Variants in GSE1 observed in about 807,000 individuals in gnomAD.
GSE1 encodes the protein genetic suppressor element 1.
In GSE1, 32 loss-of-function variants were observed where a neutral mutation model predicts 112.6. That is an observed-to-expected ratio of 0.28 (90% CI 0.21 to 0.38). The LOEUF (loss-of-function observed/expected upper bound fraction) is 0.38. Among genes scored for constraint, GSE1 ranks in the 10% least tolerant of loss-of-function variants. The probability of loss-of-function intolerance (pLI) is 1.00; values close to 1 mark genes in which losing one functional copy is unlikely to be tolerated. For synonymous variants in GSE1, 1,115 were observed against 735.6 expected, an observed-to-expected ratio of 1.52 and a Z score of -8.35; for missense variants, 2,348 against 1,699.2, an observed-to-expected ratio of 1.38 and a Z score of -6.71.
intron 2 of GSE1, among the ~76,000 whole-genome samples, chr16:85,434,307 CTAATAATAA>C (rs59877761): frequency 0.42 from 59,007 of 142,072 alleles, 12,805 homozygotes; most frequent in Non-Finnish European, 0.49. Context: ...GGATGGTGGT[CTAATAATAA>C]TAATAATAAT....
At chr16:85,601,941 A>C (rs1178379481) in intron 1 of GSE1, among the ~76,000 whole-genome samples, 1 of 152,238 alleles carries the variant, frequency 6.6e-6, no homozygotes, top group Non-Finnish European at 1.5e-5. Context: ...TGTGATCTTA[A>C]TGACCGGCAG....
intron 1 of GSE1, among the ~76,000 whole-genome samples, chr16:85,564,441 C>T (rs559779766): frequency 2.0e-5 from 3 of 152,220 alleles, no homozygotes; most frequent in Non-Finnish European, 4.4e-5. Flanking sequence ...AGTACTGGTG[C>T]TGAGAGGTGT....
Position 85,656,617 on chromosome 16 carries a change from A to G in GSE1, c.1264A>G (p.Thr422Ala), listed in dbSNP as rs1275648896. The G allele has an allele frequency of 2.6e-6, 4 of 1,543,830 alleles. No homozygotes were observed. The highest frequency in any genetic ancestry group is 2.7e-5 in the African/African-American group (2 of 72,794). ...AELHGLRGHA[T>A]EERGKPSEQL... ...GCTGCATGGGCTGCGTGGCCATGCC[A>G]CTGAGGAGCGGGGCAAGCCCTCGGA... The change falls in exon 7 of 16, where the codon ACT (threonine) becomes GCT (alanine). Residue 422 changes from threonine (T) to alanine (A), a missense_variant. Physicochemically the swap from Thr to Ala is moderately conservative, Grantham distance 58. Transcript: ENST00000253458.
chr16:85,340,670 G>C (rs147133615), intron 1 of GSE1, among the ~76,000 whole-genome samples: 1 of 152,142 alleles, frequency 6.6e-6, no homozygotes, highest in African/African-American at 2.4e-5. Flanking sequence ...ACATCTTCAC[G>C]TGAGCTGTTC....
Position 85,655,708 on chromosome 16 carries a change from C to A in GSE1, c.798-18C>A. ...CCTTGGTTCATTTGCTGCTCACAGC[C>A]CCGTCTTCTCTGCACAGGATGGACG... On this transcript the variant is annotated intron_variant, in intron 5 of 15. Coordinates refer to ENST00000253458, the MANE Select transcript of GSE1 (RefSeq NM_014615.5). 1 of 1,560,962 alleles carries A rather than the reference C, an allele frequency of 6.4e-7. No homozygotes were observed. The highest frequency in any genetic ancestry group is 8.7e-7 in the Non-Finnish European group (1 of 1,146,996).
At chr16:85,589,881 T>C (rs1436073882) in intron 1 of GSE1, among the ~76,000 whole-genome samples, 2 of 151,276 alleles carry the variant, frequency 1.3e-5, no homozygotes, top group East Asian at 1.9e-4. Flanking sequence ...AGAGACATTG[T>C]GTGTGAAGGA....
At chr16:85,649,204 C>T (rs149696651) in intron 3 of GSE1, among the ~76,000 whole-genome samples, 5 of 152,230 alleles carry the variant, frequency 3.3e-5, no homozygotes, top group South Asian at 2.1e-4. Flanking sequence ...TATTCTCATT[C>T]GGTCACCTCT....
rs78177997 is a variant in GSE1, at chr16:85,188,769, C to T, written c.2283+16962C>T. 4.0e-4 allele frequency among the ~76,000 whole-genome samples: 61 copies of T among 151,690 alleles called. 1 individual carries two copies. In the East Asian group the frequency reaches 8.5e-3, roughly 21 times the overall value. ...TGAGCTATGATCACACCACTGCACT[C>T]CAGCCTGGGTGTTAGAGTGGGACCT... On this transcript the variant is annotated intron_variant, in intron 1 of 2. Coordinates refer to the GSE1 transcript ENST00000637419.
At chr16:85,654,703 C>A in intron 4 of GSE1, 91 bp from the exon 5 acceptor site, 1 of 852,410 alleles carries the variant, frequency 1.2e-6, no homozygotes, top group South Asian at 1.5e-5. Context: ...GACTGAGCGC[C>A]AGGGGTGATG....
chr16:85,511,768 G>T (rs1209049206), intron 2 of GSE1, among the ~76,000 whole-genome samples: 1 of 152,150 alleles, frequency 6.6e-6, no homozygotes, highest in Non-Finnish European at 1.5e-5. Flanking sequence ...ACAAGCCAAG[G>T]AACACCTGGA....
rs1334981754 is a variant in GSE1, at chr16:85,341,555, G to A, written c.2284-15908G>A. ...CACCTGTAATCCCAGCTACACGGGA[G>A]GCTGAGGCAGGAGAATCGCTTGAAC... On this transcript the variant is annotated intron_variant, in intron 1 of 2. Transcript: ENST00000637419. Among the ~76,000 whole-genome samples, 5 of 152,124 alleles carry A rather than the reference G, an allele frequency of 3.3e-5. No individual in the cohort carries two copies. In the South Asian group the frequency reaches 1.0e-3, roughly 32 times the overall value.
chr16:85,331,707 ATTTTTT>A (rs566551746), intron 1 of GSE1, among the ~76,000 whole-genome samples: 5,088 of 51,892 alleles, frequency 0.098, 258 homozygotes, highest in African/African-American at 0.19. Context: ...ATATATATAT[ATTTTTT>A]TTTTTTTTTT....
intron 2 of GSE1, among the ~76,000 whole-genome samples, chr16:85,421,369 AC>A (rs2048841772): frequency 6.6e-6 from 1 of 152,048 alleles, no homozygotes; most frequent in Admixed American, 6.6e-5. Context: ...CACCCTCTGG[AC>A]ACTCAGCACC....
chr16:85,486,630 G>C (rs929851151), intron 2 of GSE1, among the ~76,000 whole-genome samples: 1 of 152,154 alleles, frequency 6.6e-6, no homozygotes, highest in Non-Finnish European at 1.5e-5. Context: ...GCCTGCCCTG[G>C]TCCCCAGCCT....
intron 1 of GSE1, among the ~76,000 whole-genome samples, chr16:85,556,752 C>CG (rs1384581689): frequency 7.8e-6 from 1 of 127,866 alleles, no homozygotes; most frequent in African/African-American, 3.0e-5. Flanking sequence ...GTAGCATGCC[C>CG]CCCCCCCCCC....
intron 1 of GSE1, among the ~76,000 whole-genome samples, chr16:85,187,898 C>A (rs1197732826): frequency 6.6e-6 from 1 of 152,244 alleles, no homozygotes; most frequent in South Asian, 2.1e-4. Flanking sequence ...CACTCAAAGG[C>A]CGTGGGAATG....
chr16:85,572,687 C>G (rs147904496), intron 1 of GSE1, among the ~76,000 whole-genome samples: 1 of 152,322 alleles, frequency 6.6e-6, no homozygotes, highest in Non-Finnish European at 1.5e-5. Context: ...ACCCAGTTCT[C>G]CTCCCTCGGT....
intron 2 of GSE1, among the ~76,000 whole-genome samples, chr16:85,450,854 C>T (rs1020481524): frequency 6.6e-6 from 1 of 151,978 alleles, no homozygotes; most frequent in Non-Finnish European, 1.5e-5. Context: ...TAAGGTTAGG[C>T]GTTCGAGACC....
At chr16:85,649,241 TC>T (rs1388715185) in intron 3 of GSE1, among the ~76,000 whole-genome samples, 6 of 152,100 alleles carry the variant, frequency 3.9e-5, no homozygotes, top group African/African-American at 1.4e-4. Context: ...CAAATGCAGT[TC>T]CGTTCTGAGG....
Sources: allele counts gnomAD v4.1 joint callset (sites outside exome capture counted in the v4.1 genomes callset), GRCh38; gene constraint gnomAD v4.1.1; transcripts MANE v1.5; gene names NCBI Gene and HGNC (gene_info 2026-07-23, HGNC 2026-07-21).